The following USPL1 variants were observed in gnomAD, a reference collection of about 807,000 sequenced individuals.
USPL1 encodes SUMO-specific isopeptidase USPL1.
Under a neutral mutation model 51.5 loss-of-function variants are expected in USPL1, and 27 were observed. The observed-to-expected ratio is 0.52, with a 90% CI of 0.39 to 0.72. The LOEUF (loss-of-function observed/expected upper bound fraction) is 0.72. Among genes scored for constraint, USPL1 ranks in the 30% least tolerant of loss-of-function variants. The pLI is 0.00. For synonymous variants in USPL1, 451 were observed against 459.6 expected, an observed-to-expected ratio of 0.98 and a Z score of 0.24; for missense variants, 1,226 against 1,268.0, an observed-to-expected ratio of 0.97 and a Z score of 0.50.
intron 3 of USPL1, among the ~76,000 whole-genome samples, chr13:30,625,414 C>T (rs1950698699): frequency 6.7e-6 from 1 of 148,506 alleles, no homozygotes; most frequent in Non-Finnish European, 1.5e-5. Context: ...AGATGTACTA[C>T]ATAGATTTTT....
chr13:30,647,440 T>G (rs1195257281), intron 7 of USPL1, among the ~76,000 whole-genome samples: 1 of 152,180 alleles, frequency 6.6e-6, no homozygotes, highest in Non-Finnish European at 1.5e-5. Context: ...CAGGCTCATC[T>G]CTCTGAATTT....
chr13:30,631,083 A>G lies in USPL1; in HGVS notation c.477A>G (p.Gln159=). Residue 159 remains glutamine (Q), a synonymous_variant, in exon 4 of 9, where the codon CAA becomes CAG. Transcript: ENST00000255304. The part of the protein sequence containing the change: ...TSSNLPDSSG[Q]QNPIRTADSL... ...CAAACTTACCTGATAGTAGTGGTCA[A>G]CAGAATCCAATTAGGACAGCTGATT... 1.2e-6 allele frequency: 2 copies of G among 1,614,202 alleles called. No homozygotes were observed. The highest frequency in any genetic ancestry group is 1.7e-6 in the Non-Finnish European group (2 of 1,180,036).
At position 30,653,316 on chromosome 13, in the gene USPL1, A is replaced by G. The variant is rs1034879825; in HGVS notation, c.1396+11A>G. 1 of 1,558,850 alleles carries G rather than the reference A, an allele frequency of 6.4e-7. No homozygotes were observed. The highest frequency in any genetic ancestry group is 1.4e-5 in the African/African-American group (1 of 73,150). Reference sequence around the variant, plus strand: ...TTTTAGATGCTGATGGTAAGTGTTTAGAGGTTTTCTTTTAAGATAATTGGC... The same window carrying G: ...TTTTAGATGCTGATGGTAAGTGTTTGGAGGTTTTCTTTTAAGATAATTGGC... On this transcript the variant is annotated intron_variant, in intron 8 of 8. Transcript: ENST00000255304.
At chr13:30,642,966 C>T (rs1048077027) in intron 6 of USPL1, among the ~76,000 whole-genome samples, 6 of 152,170 alleles carry the variant, frequency 3.9e-5, no homozygotes, top group African/African-American at 7.2e-5. Flanking sequence ...ATACACCTCC[C>T]TTCTCCAGAG....
In USPL1 at chr13:30,646,405, T is replaced by A. The variant is rs1367478951; in HGVS notation, c.1113-527T>A. ...GTTAAGTTGTATGTATTCCTGATTTTATGTTTGGAAACATCCCCTTTTCAT... is the reference window on the plus strand; with the variant it reads ...GTTAAGTTGTATGTATTCCTGATTTAATGTTTGGAAACATCCCCTTTTCAT... On this transcript the variant is annotated intron_variant, in intron 6 of 8. Transcript: ENST00000255304. Among the ~76,000 whole-genome samples the A allele has an allele frequency of 2.0e-5, 3 of 152,220 alleles. No individual in the cohort carries two copies. The East Asian group carries it at 5.8e-4, about 29-fold the overall frequency.
intron 4 of USPL1, among the ~76,000 whole-genome samples, chr13:30,633,196 C>A (rs570295800): frequency 1.3e-5 from 2 of 152,190 alleles, no homozygotes; most frequent in Non-Finnish European, 2.9e-5. Flanking sequence ...GAGAGGGAGA[C>A]CACATTCACA....
In USPL1 at chr13:30,630,903, T is replaced by G. The variant is rs149769425; in HGVS notation, c.297T>G (p.Thr99=). The part of the protein sequence containing the change: ...LISPDLEECH[T]PHKPQKRKSL... ...CTCCTGATTTGGAAGAATGTCACAC[T>G]CCACATAAGCCTCAGAAAAGGAAGA... Residue 99 remains threonine, a synonymous_variant, in exon 4 of 9, where the codon ACT becomes ACG. Coordinates refer to ENST00000255304, the MANE Select transcript of USPL1 (RefSeq NM_005800.5). The G allele has an allele frequency of 1.2e-5, 20 of 1,613,884 alleles. No homozygotes were observed. The highest frequency in any genetic ancestry group is 1.5e-5 in the Non-Finnish European group (18 of 1,179,998).
Position 30,658,089 on chromosome 13 carries a change from A to G in USPL1, c.2012A>G (p.Glu671Gly). Residue 671 changes from glutamate to glycine, a missense_variant, in exon 9 of 9, where the codon GAA becomes GGA. Transcript: ENST00000255304. Reference sequence around the variant, plus strand: ...ATGCAGTCAGTACAGCTGAATACAGAAGATACTGTAAATACTAAATCTGTG... The same window carrying G: ...ATGCAGTCAGTACAGCTGAATACAGGAGATACTGTAAATACTAAATCTGTG... ...TNMQSVQLNT[E>G]DTVNTKSVNN... 6.2e-7 allele frequency: 1 copy of G among 1,613,502 alleles called. No homozygotes were observed. Among genetic ancestry groups the G allele is most frequent in the Non-Finnish European group, 8.5e-7 (1 of 1,180,000 alleles).
At chr13:30,619,694 CAAGT>C (rs1474416891) in intron 1 of USPL1, among the ~76,000 whole-genome samples, 1 of 152,108 alleles carries the variant, frequency 6.6e-6, no homozygotes, top group African/African-American at 2.4e-5. Context: ...ACTAATTTTA[CAAGT>C]AAGTGTCTGG....
rs142119893 is a variant in USPL1, at chr13:30,630,754, T to A, written c.229-81T>A. 3,305 of 1,387,176 alleles carry A rather than the reference T, an allele frequency of 2.4e-3. 65 individuals are homozygous for A. In the African/African-American group the frequency reaches 0.043, roughly 18 times the overall value. The allele number at this position is 1,387,176 out of a possible 1,614,324, so 85.9% of individuals were successfully genotyped here. A position where few individuals can be genotyped will look rare whatever the true frequency, so the allele number is the denominator to read the frequency against. On this transcript the variant is annotated intron_variant, in intron 3 of 8. Coordinates refer to ENST00000255304, the MANE Select transcript of USPL1 (RefSeq NM_005800.5). ...CAAATCAATGCTAACATTCTATACA[T>A]GTTTTTCATGATATGAAAACTATAA...
At chr13:30,631,509 T>C in intron 4 of USPL1, 35 bp downstream of exon 4, 1 of 1,543,928 alleles carries the variant, frequency 6.5e-7, no homozygotes, top group Non-Finnish European at 8.7e-7. Flanking sequence ...TTTACTTATT[T>C]ATTCATCTGG....
rs1276350111 is a variant in USPL1 at position 30,621,219 on chromosome 13, A to G, written c.79A>G (p.Met27Val). The change falls in exon 2 of 9, where the codon ATG becomes GTG. Residue 27 changes from methionine (M) to valine (V), a missense_variant. Met to Val is a conservative substitution (Grantham distance 21). Transcript: ENST00000255304. The stretch of plus-strand genomic sequence containing the variant: ...TGATATAGGGATATCTTCACTCCAC[A>G]TGGTGGGGTATTTGGGAAAAGTTAG... ...GTDIGISSLH[M>V]VGYLGKNFDS... The G allele has an allele frequency of 1.9e-5, 30 of 1,592,474 alleles. No homozygotes were observed. The highest frequency in any genetic ancestry group is 4.7e-5 in the South Asian group (4 of 84,968).
chr13:30,621,017 C>T, intron 1 of USPL1, 56 bp from the exon 2 acceptor site: 1 of 750,032 alleles, frequency 1.3e-6, no homozygotes. Flanking sequence ...TAGCATGGTT[C>T]TTTTTTATAG....
At chr13:30,618,093 G>A (rs1399586460) in intron 1 of USPL1, 37 bp downstream of exon 1, 1 of 152,312 alleles carries the variant, frequency 6.6e-6, no homozygotes, top group Non-Finnish European at 1.5e-5. Context: ...TTCCGCTCTC[G>A]AAATTGGGAA....
At chr13:30,635,815 A>G (rs1174228048) in intron 4 of USPL1, among the ~76,000 whole-genome samples, 1 of 152,186 alleles carries the variant, frequency 6.6e-6, no homozygotes. Context: ...TAACACCAGG[A>G]CAAATATCCA....
chr13:30,642,784 G>T (rs546974469), intron 6 of USPL1, 27 bp downstream of exon 6: 1 of 1,600,372 alleles, frequency 6.2e-7, no homozygotes. Flanking sequence ...TTTTAAAATG[G>T]GTTCTTCTAG....
At chr13:30,636,909 CTG>C (rs1950883882) in intron 4 of USPL1, among the ~76,000 whole-genome samples, 1 of 152,156 alleles carries the variant, frequency 6.6e-6, no homozygotes, top group African/African-American at 2.4e-5. Flanking sequence ...GTTTCAGTCA[CTG>C]TATAATAACT....
At chr13:30,633,983 C>T (rs761030838) in intron 4 of USPL1, among the ~76,000 whole-genome samples, 11 of 152,088 alleles carry the variant, frequency 7.2e-5, no homozygotes, top group African/African-American at 2.4e-4. Context: ...TTTCTTTCTT[C>T]GCAGTTTCAT....
Position 30,659,512 on chromosome 13 carries a change from A to G in USPL1, c.*156A>G. The G allele has an allele frequency of 1.6e-6, 1 of 641,926 alleles. No homozygotes were observed. 39.8% of individuals were successfully genotyped at this position (641,926 alleles called of 1,614,324 possible). A position where few individuals can be genotyped will look rare whatever the true frequency, so the allele number is the denominator to read the frequency against. On this transcript the variant is annotated 3_prime_UTR_variant, in exon 9 of 9. Coordinates refer to ENST00000255304, the MANE Select transcript of USPL1 (RefSeq NM_005800.5). ...TAACCTTTGGTTCTGCCCATGAAGC[A>G]TGTAATCTTTCTTACACATTAAAAT...
Sources: gnomAD v4.1 joint callset for allele counts (sites outside exome capture counted in the v4.1 genomes callset) on GRCh38, gnomAD v4.1.1 for gene constraint, MANE v1.5 for transcripts, NCBI Gene and HGNC (gene_info 2026-07-23, HGNC 2026-07-21) for gene names.